Variants in GABRG3 observed in about 807,000 individuals in gnomAD.
GABRG3 encodes the protein gamma-aminobutyric acid receptor subunit gamma-3.
GABRG3 carries 25 observed loss-of-function variants against 48.8 expected under a neutral mutation model. That is an observed-to-expected ratio of 0.51 (90% CI 0.37 to 0.72). The LOEUF (loss-of-function observed/expected upper bound fraction) is 0.72. GABRG3 is among the 30% of genes least tolerant of loss of function. GABRG3 has a pLI of 0.00. For missense variants in GABRG3, 394 were observed against 577.9 expected, an observed-to-expected ratio of 0.68 and a Z score of 3.26; for synonymous variants, 227 against 217.6, an observed-to-expected ratio of 1.04 and a Z score of -0.38.
At chr15:27,053,400 AC>A (rs1399350961) in intron 3 of GABRG3, among the ~76,000 whole-genome samples, 2 of 152,210 alleles carry the variant, frequency 1.3e-5, no homozygotes, top group African/African-American at 2.4e-5. Flanking sequence ...AACATCACTA[AC>A]CGTCAGAGAA....
At chr15:27,024,748 C>T (rs541774385) in intron 2 of GABRG3, among the ~76,000 whole-genome samples, 8 of 152,234 alleles carry the variant, frequency 5.3e-5, no homozygotes, top group African/African-American at 1.7e-4. Context: ...ATCTACTGGC[C>T]GGGCACAGTG....
intron 6 of GABRG3, among the ~76,000 whole-genome samples, chr15:27,487,337 A>T (rs1890245220): frequency 6.6e-6 from 1 of 152,232 alleles, no homozygotes; most frequent in Non-Finnish European, 1.5e-5. Context: ...TTATGACAGT[A>T]ATATTTCTAC....
chr15:27,367,060 T>C (rs1463546761), intron 5 of GABRG3, among the ~76,000 whole-genome samples: 1 of 152,146 alleles, frequency 6.6e-6, no homozygotes, highest in Non-Finnish European at 1.5e-5. Context: ...CTTCCACCTA[T>C]GAGGACTAAG....
At chr15:26,981,224 C>T (rs1324090861) in intron 2 of GABRG3, among the ~76,000 whole-genome samples, 1 of 151,982 alleles carries the variant, frequency 6.6e-6, no homozygotes, top group African/African-American at 2.4e-5. Context: ...GAATTGTTTC[C>T]AAATTTTGGC....
At chr15:27,138,881 G>A (rs1204695807) in intron 3 of GABRG3, among the ~76,000 whole-genome samples, 1 of 152,194 alleles carries the variant, frequency 6.6e-6, no homozygotes. Flanking sequence ...TTATTACAAT[G>A]TGGATAGAAA....
Position 27,388,287 on chromosome 15 carries a change from G to A in GABRG3, c.574+59399G>A, listed in dbSNP as rs1388933197. The stretch of plus-strand genomic sequence containing the variant: ...GGAGGGAGGGAGGGTAAGGAAGGAA[G>A]GAAGAAAAGAAGGAAGGAAAGGGAG... On this transcript the variant is annotated intron_variant, in intron 5 of 9. Transcript: ENST00000615808. Among the ~76,000 whole-genome samples the A allele has an allele frequency of 4.2e-4, 21 of 50,368 alleles. 4 individuals are homozygous for A. The highest frequency in any genetic ancestry group is 3.2e-3 in the East Asian group (3 of 948). 33.0% of individuals were successfully genotyped at this position (50,368 alleles called of 152,430 possible).
chr15:27,252,083 T>C (rs1371383795), intron 3 of GABRG3, among the ~76,000 whole-genome samples: 1 of 152,168 alleles, frequency 6.6e-6, no homozygotes, highest in Non-Finnish European at 1.5e-5. Flanking sequence ...AGACTTGACA[T>C]CTCCCTCACC....
At chr15:27,400,464 A>G (rs12900354) in intron 5 of GABRG3, among the ~76,000 whole-genome samples, 81,378 of 152,054 alleles carry the variant, frequency 0.54, 22,223 homozygotes, top group East Asian at 0.8. Context: ...ATTGAATAAG[A>G]TACTATGCTT....
chr15:27,350,971 TTG>T (rs559569124), intron 5 of GABRG3, among the ~76,000 whole-genome samples: 1 of 148,770 alleles, frequency 6.7e-6, no homozygotes, highest in Admixed American at 6.7e-5. Flanking sequence ...TGGTGTGTGT[TTG>T]TGTGTGTATG....
At chr15:27,396,512 G>A (rs1887301309) in intron 5 of GABRG3, among the ~76,000 whole-genome samples, 1 of 152,202 alleles carries the variant, frequency 6.6e-6, no homozygotes, top group African/African-American at 2.4e-5. Flanking sequence ...TGGTGAGGAT[G>A]TGGTGGAACA....
chr15:27,361,382 A>G (rs1395240661), intron 5 of GABRG3, among the ~76,000 whole-genome samples: 1 of 152,142 alleles, frequency 6.6e-6, no homozygotes, highest in African/African-American at 2.4e-5. Context: ...TGGGATTCTG[A>G]ATTAACTTCT....
At chr15:27,154,911 T>C (rs185976379) in intron 3 of GABRG3, among the ~76,000 whole-genome samples, 1 of 152,304 alleles carries the variant, frequency 6.6e-6, no homozygotes, top group East Asian at 1.9e-4. Context: ...TAATTTGTAT[T>C]ATATTTTTAA....
chr15:27,157,706 T>C (rs913153843), intron 3 of GABRG3: 2 of 152,244 alleles, frequency 1.3e-5, no homozygotes, highest in Non-Finnish European at 2.9e-5. Context: ...GCGATAGTTC[T>C]TACGCAGACA....
At chr15:27,230,726 A>G (rs1254753250) in intron 3 of GABRG3, among the ~76,000 whole-genome samples, 1 of 152,176 alleles carries the variant, frequency 6.6e-6, no homozygotes, top group Non-Finnish European at 1.5e-5. Flanking sequence ...GAAAATGGGA[A>G]ATGCTTCTAT....
At chr15:27,463,646 G>A (rs1889516323) in intron 5 of GABRG3, among the ~76,000 whole-genome samples, 1 of 152,132 alleles carries the variant, frequency 6.6e-6, no homozygotes, top group African/African-American at 2.4e-5. Context: ...CTTCTTCTGT[G>A]GGGGTGTGCT....
At chr15:27,498,156 T>A (rs1181877414) in intron 6 of GABRG3, among the ~76,000 whole-genome samples, 1 of 152,184 alleles carries the variant, frequency 6.6e-6, no homozygotes, top group African/African-American at 2.4e-5. Context: ...GTTCCCTTCC[T>A]TCTGTTTCTT....
At chr15:27,485,157 G>A (rs546422800) in intron 6 of GABRG3, among the ~76,000 whole-genome samples, 6 of 152,170 alleles carry the variant, frequency 3.9e-5, no homozygotes, top group Non-Finnish European at 8.8e-5. Context: ...ATTATAGATG[G>A]TGATCCTATG....
intron 3 of GABRG3, among the ~76,000 whole-genome samples, chr15:27,085,140 T>TGTGAACA (rs1301232261): frequency 1.3e-5 from 2 of 152,240 alleles, no homozygotes; most frequent in Non-Finnish European, 2.9e-5. Flanking sequence ...TCAAGGCTGG[T>TGTGAACA]GTGAACAGTC....
At chr15:27,052,122 C>A (rs1252523185) in intron 3 of GABRG3, among the ~76,000 whole-genome samples, 1 of 152,168 alleles carries the variant, frequency 6.6e-6, no homozygotes, top group African/African-American at 2.4e-5. Context: ...TGATACCCGG[C>A]CACAGATCGG....
Sources: allele counts gnomAD v4.1 joint callset (sites outside exome capture counted in the v4.1 genomes callset), GRCh38; gene constraint gnomAD v4.1.1; transcripts MANE v1.5; gene names NCBI Gene and HGNC (gene_info 2026-07-23, HGNC 2026-07-21).